Variants in KLRG2 observed in about 807,000 individuals in gnomAD.
KLRG2 encodes killer cell lectin-like receptor subfamily G member 2.
KLRG2 carries 39 observed loss-of-function variants against 35.4 expected under a neutral mutation model. The observed-to-expected ratio is 1.10, with a 90% CI of 0.85 to 1.44. The LOEUF is 1.44. KLRG2 is among the 40% of genes most tolerant of loss of function. KLRG2 has a pLI of 0.00. For missense variants in KLRG2, 632 were observed against 570.9 expected (o/e 1.11, Z -1.09); for synonymous variants, 283 against 265.8 (o/e 1.06, Z -0.63).
chr7:139,482,979 T>TG lies in KLRG2; in HGVS notation c.663dup (p.Lys222GlnfsTer152). 1 of 1,418,064 alleles carries TG rather than the reference T, an allele frequency of 7.1e-7. No homozygotes were observed. Among genetic ancestry groups the TG allele is most frequent in the Non-Finnish European group, 9.1e-7 (1 of 1,095,300 alleles). The allele number at this position is 1,418,064 out of a possible 1,614,324, so 87.8% of individuals were successfully genotyped here. ...TCCTCCTTCTCCAGCCCCAGCTCCT[T>TG]GCAGCGGCAGCACGTGGGGGAGCCC... On this transcript the variant is annotated frameshift_variant, in exon 1 of 5. Transcript: ENST00000340940. LOFTEE classifies it high-confidence loss of function.
downstream of KLRG2, chr7:139,452,635 A>G (rs552476882): frequency 3.9e-5 from 6 of 152,256 alleles, no homozygotes; most frequent in African/African-American, 1.4e-4. Context: ...CGTGCTCAGC[A>G]CCAAGCCAAC....
At chr7:139,479,345 T>G (rs560734531) in intron 3 of KLRG2, among the ~76,000 whole-genome samples, 15 of 152,096 alleles carry the variant, frequency 9.9e-5, no homozygotes, top group Non-Finnish European at 4.4e-5. Flanking sequence ...CCTCCCAGAG[T>G]GCTGGGATTA....
chr7:139,456,596 C>A (rs573308364), intron 3 of KLRG2, among the ~76,000 whole-genome samples: 2 of 152,188 alleles, frequency 1.3e-5, no homozygotes, highest in South Asian at 4.1e-4. Context: ...AGATGATTCA[C>A]CCACCTCGGC....
At chr7:139,438,992 C>T in the KLRG2 span, among the ~76,000 whole-genome samples, 5 of 150,466 alleles carry the variant, frequency 3.3e-5, no homozygotes, top group Admixed American at 1.3e-4. Flanking sequence ...CCATGCCCCG[C>T]GTGGCAATTT....
the KLRG2 span, among the ~76,000 whole-genome samples, chr7:139,429,554 G>A: frequency 6.6e-6 from 1 of 151,580 alleles, no homozygotes; most frequent in Non-Finnish European, 1.5e-5. Context: ...GGGTACTTGA[G>A]ATTAGGGAGT....
At chr7:139,480,047 A>G (rs1277693157) in intron 2 of KLRG2, 99 bp downstream of exon 2, 7 of 883,324 alleles carry the variant, frequency 7.9e-6, no homozygotes, top group Non-Finnish European at 1.3e-5. Flanking sequence ...TGCATCTCCC[A>G]GTGTCTCTTT....
chr7:139,443,094 C>CTTT, the KLRG2 span, among the ~76,000 whole-genome samples: 9,981 of 120,496 alleles, frequency 0.083, 2,099 homozygotes, highest in African/African-American at 0.34. Context: ...GGAAAAAAAA[C>CTTT]TTTTTTTTTT....
chr7:139,438,341 C>T, the KLRG2 span, among the ~76,000 whole-genome samples: 1 of 152,172 alleles, frequency 6.6e-6, no homozygotes, highest in African/African-American at 2.4e-5. Flanking sequence ...AAGTGATCCT[C>T]CCACCTGAGT....
the KLRG2 span, among the ~76,000 whole-genome samples, chr7:139,447,579 T>TTAG: frequency 1.3e-5 from 2 of 151,996 alleles, no homozygotes; most frequent in Non-Finnish European, 2.9e-5. Context: ...TTTTGTATTT[T>TTAG]TAGTAGAGAC....
chr7:139,483,290 G>A lies in KLRG2; in HGVS notation c.353C>T (p.Ala118Val), dbSNP rs747049948. The A allele has an allele frequency of 1.1e-5, 17 of 1,558,238 alleles. No homozygotes were observed. In the Admixed American group the frequency reaches 2.9e-4, roughly 27 times the overall value. The change falls in exon 1 of 5, where the codon GCC becomes GTC. Residue 118 changes from alanine (A) to valine (V), a missense_variant. Transcript: ENST00000340940. ...EAPGAEPAPS[A>V]WAPMELQVDV... is the part of the protein sequence containing the mutation. ...TACCTGCAGCTCCATGGGCGCCCAG[G>A]CGCTGGGCGCAGGCTCAGCCCCGGG...
intron 3 of KLRG2, among the ~76,000 whole-genome samples, chr7:139,464,306 CT>C (rs1796615360): frequency 6.6e-6 from 1 of 152,198 alleles, no homozygotes; most frequent in Admixed American, 6.5e-5. Context: ...CTTTAGAAGC[CT>C]GTTATTACTC....
At chr7:139,441,833 AGGCT>A in the KLRG2 span, among the ~76,000 whole-genome samples, 1 of 152,190 alleles carries the variant, frequency 6.6e-6, no homozygotes, top group African/African-American at 2.4e-5. Flanking sequence ...TTCTGAACCA[AGGCT>A]GGCTATTTAG....
intron 3 of KLRG2, among the ~76,000 whole-genome samples, chr7:139,470,460 T>A (rs567542154): frequency 3.5e-4 from 53 of 152,302 alleles, no homozygotes; most frequent in Non-Finnish European, 6.8e-4. Flanking sequence ...GTCTTCTTTT[T>A]CCTCTGTCAA....
the KLRG2 span, among the ~76,000 whole-genome samples, chr7:139,446,362 AAG>A: frequency 3.9e-5 from 2 of 50,760 alleles, no homozygotes; most frequent in Non-Finnish European, 5.6e-5. Flanking sequence ...TTTTTTTTTT[AAG>A]AGAGAGTCTC....
At chr7:139,439,564 C>A in the KLRG2 span, among the ~76,000 whole-genome samples, 1 of 152,206 alleles carries the variant, frequency 6.6e-6, no homozygotes, top group Non-Finnish European at 1.5e-5. Context: ...CATGAGGGTT[C>A]CAGGCTGGGC....
At chr7:139,449,144 G>A (rs1796341534), downstream of KLRG2, among the ~76,000 whole-genome samples, 1 of 150,108 alleles carries the variant, frequency 6.7e-6, no homozygotes. Context: ...GCTCACGCCT[G>A]TAATCCCAGC....
intron 4 of KLRG2, 126 bp downstream of exon 4, chr7:139,453,985 C>A (rs78991492): frequency 8.4e-6 from 6 of 714,684 alleles, no homozygotes; most frequent in Non-Finnish European, 1.5e-5. Flanking sequence ...CACCAGGCCG[C>A]GAGCATGGGC....
downstream of KLRG2, among the ~76,000 whole-genome samples, chr7:139,449,075 C>A (rs572454914): frequency 6.7e-6 from 1 of 149,584 alleles, no homozygotes; most frequent in African/African-American, 2.5e-5. Context: ...CACTGCATTC[C>A]AGCCTGGGTG....
At chr7:139,455,484 G>A (rs1175207028) in intron 3 of KLRG2, among the ~76,000 whole-genome samples, 1 of 152,006 alleles carries the variant, frequency 6.6e-6, no homozygotes, top group Non-Finnish European at 1.5e-5. Context: ...ACCATGCCTG[G>A]CTAATTTTTT....
Sources: gnomAD v4.1 joint callset for allele counts (sites outside exome capture counted in the v4.1 genomes callset) on GRCh38, gnomAD v4.1.1 for gene constraint, MANE v1.5 for transcripts, NCBI Gene and HGNC (gene_info 2026-07-23, HGNC 2026-07-21) for gene names.